PRKG1: variants seen among roughly 807,000 people sequenced by gnomAD.
PRKG1 encodes cGMP-dependent protein kinase 1.
PRKG1 carries 35 observed loss-of-function variants against 88.1 expected under a neutral mutation model. The observed-to-expected ratio is 0.40, with a 90% CI of 0.30 to 0.53. PRKG1 has a LOEUF of 0.53. Ranked by LOEUF, PRKG1 falls within the 20% of genes least tolerant of loss-of-function variation. The pLI is 0.59. For missense variants in PRKG1, 540 were observed against 839.8 expected (o/e 0.64, Z 4.41); for synonymous variants, 303 against 292.5 (o/e 1.04, Z -0.37).
chr10:51,506,051 G>T (rs1236746062), intron 3 of PRKG1, among the ~76,000 whole-genome samples: 1 of 152,010 alleles, frequency 6.6e-6, no homozygotes, highest in Non-Finnish European at 1.5e-5. Flanking sequence ...ACAAGAAATG[G>T]GGAAAGGATT....
chr10:51,657,599 G>T (rs145435285), intron 3 of PRKG1, among the ~76,000 whole-genome samples: 269 of 152,206 alleles, frequency 1.8e-3, no homozygotes, highest in African/African-American at 6.2e-3. Context: ...TTTATTTTGT[G>T]GTCAAAGAGA....
rs113722134 is a variant in PRKG1, at chr10:51,352,738, C to T, written c.479-114985C>T. ...ATCCCTATGAAAATACTAATGCCGT[C>T]CTTCATAGAAATAGAAAAAAAATCC... On this transcript the variant is annotated intron_variant, in intron 2 of 17. Coordinates refer to ENST00000373980, the MANE Select transcript of PRKG1 (RefSeq NM_006258.4). Among the ~76,000 whole-genome samples the T allele has an allele frequency of 5.9e-3, 890 of 152,052 alleles. 9 individuals carry two copies. Among genetic ancestry groups the T allele is most frequent in the Non-Finnish European group, 7.5e-3 (507 of 67,952 alleles).
chr10:51,354,026 A>G (rs1378618490), intron 2 of PRKG1, among the ~76,000 whole-genome samples: 1 of 152,180 alleles, frequency 6.6e-6, no homozygotes, highest in Non-Finnish European at 1.5e-5. Context: ...CATTATGTTA[A>G]GTGAAGTAAG....
chr10:51,363,965 G>T (rs2132592865), intron 2 of PRKG1, among the ~76,000 whole-genome samples: 1 of 152,070 alleles, frequency 6.6e-6, no homozygotes, highest in African/African-American at 2.4e-5. Flanking sequence ...TTGAGAAGAA[G>T]ACCTCTTAGA....
chr10:51,966,325 C>T (rs140953686), intron 5 of PRKG1, among the ~76,000 whole-genome samples: 214 of 152,168 alleles, frequency 1.4e-3, no homozygotes, highest in Middle Eastern at 0.01. Context: ...TCTGAGACAC[C>T]TAACCTTTAA....
intron 5 of PRKG1, among the ~76,000 whole-genome samples, chr10:51,991,361 A>G (rs1844302084): frequency 6.6e-6 from 1 of 152,048 alleles, no homozygotes; most frequent in Non-Finnish European, 1.5e-5. Context: ...TGGTGAAAGT[A>G]GTCATCCTTG....
At chr10:51,811,610 TC>T (rs2132624432) in intron 4 of PRKG1, among the ~76,000 whole-genome samples, 1 of 152,284 alleles carries the variant, frequency 6.6e-6, no homozygotes, top group Non-Finnish European at 1.5e-5. Context: ...AATAAAATGA[TC>T]CCTGTGCCTG....
At chr10:51,849,069 T>C (rs1335940953) in intron 4 of PRKG1, among the ~76,000 whole-genome samples, 2 of 152,206 alleles carry the variant, frequency 1.3e-5, no homozygotes, top group African/African-American at 4.8e-5. Context: ...TAGCTAATGC[T>C]TCTTTTTATT....
At chr10:51,699,915 C>T (rs538817538) in intron 3 of PRKG1, among the ~76,000 whole-genome samples, 3 of 152,348 alleles carry the variant, frequency 2.0e-5, no homozygotes, top group Admixed American at 2.0e-4. Flanking sequence ...GGGGACTCTT[C>T]CCTTGACGTC....
upstream of PRKG1, chr10:51,074,455 G>C: frequency 6.9e-7 from 1 of 1,458,682 alleles, no homozygotes; most frequent in Non-Finnish European, 9.1e-7. Context: ...AGAAGCCAGG[G>C]CTGGCTTTGG....
intron 1 of PRKG1, among the ~76,000 whole-genome samples, chr10:51,082,270 G>A (rs1410588978): frequency 2.6e-5 from 4 of 152,134 alleles, no homozygotes; most frequent in Non-Finnish European, 4.4e-5. Flanking sequence ...GGATTAGGTA[G>A]CTGCAGGAAA....
At chr10:51,052,218 G>A (rs1843570827) in intron 1 of PRKG1, among the ~76,000 whole-genome samples, 1 of 152,014 alleles carries the variant, frequency 6.6e-6, no homozygotes, top group Non-Finnish European at 1.5e-5. Context: ...TGGACTGTAG[G>A]CCTTTTATTT....
At chr10:52,066,063 C>T (rs1341419067) in intron 7 of PRKG1, among the ~76,000 whole-genome samples, 3 of 152,270 alleles carry the variant, frequency 2.0e-5, no homozygotes, top group South Asian at 2.1e-4. Context: ...CTCACTTTCT[C>T]GCTATGGAAC....
intron 3 of PRKG1, among the ~76,000 whole-genome samples, chr10:51,488,905 T>A (rs1840624266): frequency 6.6e-6 from 1 of 152,132 alleles, no homozygotes; most frequent in Non-Finnish European, 1.5e-5. Flanking sequence ...TACAATCTCT[T>A]GTTTCCATCT....
chr10:51,586,894 T>G (rs1357978825), intron 3 of PRKG1, among the ~76,000 whole-genome samples: 1 of 152,192 alleles, frequency 6.6e-6, no homozygotes, highest in Non-Finnish European at 1.5e-5. Context: ...CATGTATTCC[T>G]GTCTTCCTGA....
At chr10:51,927,399 A>G (rs189086092) in intron 5 of PRKG1, among the ~76,000 whole-genome samples, 3 of 152,258 alleles carry the variant, frequency 2.0e-5, no homozygotes, top group African/African-American at 4.8e-5. Context: ...GAGTCCATTA[A>G]CCTAAAACCT....
intron 3 of PRKG1, among the ~76,000 whole-genome samples, chr10:51,755,934 A>G (rs1273631802): frequency 6.6e-6 from 1 of 152,200 alleles, no homozygotes; most frequent in Non-Finnish European, 1.5e-5. Flanking sequence ...TCTTCTTTCA[A>G]CAGCTGTCTG....
intron 2 of PRKG1, among the ~76,000 whole-genome samples, chr10:51,433,402 A>G (rs1332579333): frequency 6.6e-6 from 1 of 152,050 alleles, no homozygotes; most frequent in Non-Finnish European, 1.5e-5. Context: ...ACCCTCTTGG[A>G]GCCTTGGGAT....
chr10:51,224,602 G>A (rs188651324), intron 2 of PRKG1, among the ~76,000 whole-genome samples: 5 of 152,170 alleles, frequency 3.3e-5, no homozygotes, highest in Admixed American at 6.5e-5. Context: ...TTCTCCTACA[G>A]TATATCCTGT....
Sources: allele counts gnomAD v4.1 joint callset (sites outside exome capture counted in the v4.1 genomes callset), GRCh38; gene constraint gnomAD v4.1.1; transcripts MANE v1.5; gene names NCBI Gene and HGNC (gene_info 2026-07-23, HGNC 2026-07-21).